Variants in DNAH14 observed in about 807,000 individuals in gnomAD.
The protein encoded by DNAH14 is axonemal beta dynein heavy chain 14.
A neutral mutation model predicts 520.9 loss-of-function variants in DNAH14; 478 were observed. The observed-to-expected ratio is 0.92, with a 90% confidence interval of 0.85 to 0.99. DNAH14 has a LOEUF of 0.99. Among genes scored for constraint, DNAH14 ranks in the 50% least tolerant of loss-of-function variants. The pLI, the probability that DNAH14 is intolerant of heterozygous loss-of-function variation, is 0.00. For missense variants in DNAH14, 4,831 were observed against 5,234.5 expected, an observed-to-expected ratio of 0.92 and a Z score of 2.38; for synonymous variants, 1,581 against 1,757.2, an observed-to-expected ratio of 0.90 and a Z score of 2.51.
At chr1:225,115,605 A>G (rs1464653738) in intron 23 of DNAH14, among the ~76,000 whole-genome samples, 4 of 152,162 alleles carry the variant, frequency 2.6e-5, no homozygotes, top group Non-Finnish European at 4.4e-5. Flanking sequence ...ATCTGCCCAT[A>G]TAGGCCCTCT....
chr1:225,210,863 A>C (rs551379350), intron 41 of DNAH14, among the ~76,000 whole-genome samples: 2 of 152,332 alleles, frequency 1.3e-5, no homozygotes, highest in Non-Finnish European at 2.9e-5. Context: ...GGCAAACAGG[A>C]TCTGGAGTGG....
At chr1:225,243,796 G>T (rs77030673) in intron 43 of DNAH14, among the ~76,000 whole-genome samples, 7,450 of 151,948 alleles carry the variant, frequency 0.049, 285 homozygotes, top group Non-Finnish European at 0.073. Context: ...TCTGCAAACA[G>T]GACAATTTGA....
rs143317903 is a variant in DNAH14, at chr1:225,192,696, A to G, written c.5671A>G (p.Ile1891Val). The change falls in exon 38 of 86, where the codon ATT becomes GTT. Residue 1891 changes from isoleucine to valine, a missense_variant and splice_region_variant. Physicochemically the swap from Ile to Val is conservative, Grantham distance 29 (BLOSUM62 3). Transcript: ENST00000682510. ...AAAAACTACACTGGATTTTTCCCAGATTTCAGAAAGAAAAGGAAAAGTAGA... is the reference window on the plus strand; with the variant it reads ...AAAAACTACACTGGATTTTTCCCAGGTTTCAGAAAGAAAAGGAAAAGTAGA... ...SVAERKSASK[I>V]SERKGKVDIC... 1.4e-3 allele frequency: 2,134 copies of G among 1,544,160 alleles called. 18 individuals carry two copies. The African/African-American group carries it at 0.025, about 18-fold the overall frequency.
At chr1:225,286,202 A>G (rs563355857) in intron 54 of DNAH14, among the ~76,000 whole-genome samples, 3 of 152,296 alleles carry the variant, frequency 2.0e-5, no homozygotes, top group South Asian at 4.1e-4. Flanking sequence ...ACAAAATTAT[A>G]GCTACATAGG....
At chr1:224,964,360 G>A (rs2061023801) in intron 4 of DNAH14, 119 bp from the exon 5 acceptor site, 1 of 1,150,322 alleles carries the variant, frequency 8.7e-7, no homozygotes, top group African/African-American at 1.6e-5. Context: ...TAATCGTTAT[G>A]TATACTTTGT....
chr1:225,177,395 A>T (rs1351133399), intron 36 of DNAH14, among the ~76,000 whole-genome samples: 5 of 152,162 alleles, frequency 3.3e-5, no homozygotes, highest in Non-Finnish European at 5.9e-5. Flanking sequence ...AGAAAATCTC[A>T]TTTTCTGAGG....
intron 85 of DNAH14, 126 bp from the exon 86 acceptor site, chr1:225,398,928 T>C: frequency 1.2e-6 from 1 of 855,956 alleles, no homozygotes; most frequent in Non-Finnish European, 1.8e-6. Context: ...TGCTGTTACA[T>C]TAACCATTTA....
intron 27 of DNAH14, among the ~76,000 whole-genome samples, chr1:225,128,963 G>T (rs916125964): frequency 7.2e-5 from 11 of 151,958 alleles, no homozygotes; most frequent in African/African-American, 2.7e-4. Context: ...AGCAACTTCA[G>T]CAAAGTCTCA....
chr1:224,934,424 A>G (rs1287968539), intron 1 of DNAH14, among the ~76,000 whole-genome samples: 1 of 151,988 alleles, frequency 6.6e-6, no homozygotes, highest in African/African-American at 2.4e-5. Context: ...AATTGATTAA[A>G]TCAGGTAGAA....
chr1:225,173,441 TG>T (rs2082936417), intron 36 of DNAH14, among the ~76,000 whole-genome samples: 1 of 151,932 alleles, frequency 6.6e-6, no homozygotes, highest in South Asian at 2.1e-4. Context: ...CATCAAAAAG[TG>T]GGTGAAGGAT....
intron 7 of DNAH14, among the ~76,000 whole-genome samples, chr1:224,971,086 A>G (rs1014807587): frequency 1.3e-5 from 2 of 152,348 alleles, no homozygotes; most frequent in African/African-American, 4.8e-5. Context: ...ATTCAAGTTC[A>G]TGATTAAAAA....
chr1:225,100,730 C>A lies in DNAH14; in HGVS notation c.3713C>A (p.Thr1238Lys). The change falls in exon 23 of 86, where the codon ACA becomes AAA. Residue 1238 changes from threonine (T) to lysine (K), a missense_variant. Coordinates refer to ENST00000682510, the MANE Select transcript of DNAH14 (RefSeq NM_001367479.1). The stretch of plus-strand genomic sequence containing the variant: ...TTCTAAAGGCAACTCCCAGCAGAAA[C>A]AGAACTTTTCTCTCAAGTGATTTCC... ...SEIRRQLPAE[T>K]ELFSQVISMW... 6.6e-7 allele frequency: 1 copy of A among 1,505,780 alleles called. No homozygotes were observed. Among genetic ancestry groups the A allele is most frequent in the South Asian group, 1.3e-5 (1 of 74,680 alleles). The allele number at this position is 1,505,780 out of a possible 1,614,324, so 93.3% of individuals were successfully genotyped here. A position where few individuals can be genotyped will look rare whatever the true frequency, so the allele number is the denominator to read the frequency against.
intron 7 of DNAH14, 108 bp downstream of exon 7, chr1:224,968,982 A>G: frequency 1.5e-6 from 1 of 685,360 alleles, no homozygotes; most frequent in Middle Eastern, 3.1e-4. Context: ...AGAAAATAGT[A>G]CTAATTCTTT....
intron 5 of DNAH14, 90 bp from the exon 6 acceptor site, chr1:224,967,341 T>G (rs2061241858): frequency 9.1e-6 from 8 of 876,174 alleles, no homozygotes; most frequent in African/African-American, 1.8e-5. Flanking sequence ...ATTGTTTCAA[T>G]TTAGTGGGTA....
chr1:224,953,673 G>A lies in DNAH14; in HGVS notation c.77+894G>A, dbSNP rs552861214. ...AAGTGAACATAGACTTGGCGTTATA[G>A]GTTAGTGAGGATTGAGTGGGCATGT... On this transcript the variant is annotated intron_variant, in intron 2 of 85. Transcript: ENST00000682510. 5.3e-5 allele frequency among the ~76,000 whole-genome samples: 8 copies of A among 152,286 alleles called. No individual in the cohort carries two copies. In the South Asian group the frequency reaches 1.7e-3, roughly 32 times the overall value.
At chr1:225,174,746 G>T (rs950442315) in intron 36 of DNAH14, among the ~76,000 whole-genome samples, 10 of 152,220 alleles carry the variant, frequency 6.6e-5, no homozygotes, top group Non-Finnish European at 1.2e-4. Flanking sequence ...TCTTCATCTT[G>T]TCCCAGATCT....
intron 81 of DNAH14, among the ~76,000 whole-genome samples, chr1:225,386,078 T>C (rs972324139): frequency 6.6e-6 from 1 of 152,134 alleles, no homozygotes; most frequent in African/African-American, 2.4e-5. Context: ...TAGTGCCACA[T>C]ATCTACAACC....
intron 36 of DNAH14, among the ~76,000 whole-genome samples, 181 bp from the exon 37 acceptor site, chr1:225,185,110 T>TA (rs561869101): frequency 0.019 from 2,800 of 144,406 alleles, 67 homozygotes; most frequent in East Asian, 0.067. Context: ...AAAATCAATG[T>TA]AAAAAAAAAA....
chr1:225,001,015 A>G (rs904412642), intron 8 of DNAH14, among the ~76,000 whole-genome samples: 2 of 151,484 alleles, frequency 1.3e-5, no homozygotes, highest in African/African-American at 2.4e-5. Flanking sequence ...TTTTTTCCCT[A>G]TGGCATTTGG....
Sources: allele counts gnomAD v4.1 joint callset (sites outside exome capture counted in the v4.1 genomes callset), GRCh38; gene constraint gnomAD v4.1.1; transcripts MANE v1.5; gene names NCBI Gene and HGNC (gene_info 2026-07-23, HGNC 2026-07-21).